The following MGMT variants were observed in gnomAD, a reference collection of about 807,000 sequenced individuals.
MGMT encodes O-6-methylguanine-DNA methyltransferase, also known as methylated-DNA--protein-cysteine methyltransferase.
In MGMT, 14 loss-of-function variants were observed where a neutral mutation model predicts 15.9. That is an observed-to-expected ratio of 0.88 (90% CI 0.58 to 1.37). MGMT has a LOEUF of 1.37. Ranked by LOEUF, MGMT falls within the 40% of genes most tolerant of loss-of-function variation. MGMT has a pLI of 0.00. For synonymous variants in MGMT, 130 were observed against 118.2 expected, an observed-to-expected ratio of 1.10 and a Z score of -0.65; for missense variants, 282 against 268.1, an observed-to-expected ratio of 1.05 and a Z score of -0.36.
intron 2 of MGMT, among the ~76,000 whole-genome samples, chr10:129,688,528 T>G (rs183176099): frequency 1.5e-4 from 23 of 152,328 alleles, no homozygotes; most frequent in African/African-American, 5.5e-4. Flanking sequence ...ACCCACTTTT[T>G]GATGGTGTTG....
intron 1 of MGMT, among the ~76,000 whole-genome samples, chr10:129,496,994 G>GT (rs550502517): frequency 6.6e-6 from 1 of 151,810 alleles, no homozygotes; most frequent in African/African-American, 2.4e-5. Flanking sequence ...TGCCTGGCCA[G>GT]TTTTTTTTCC....
At chr10:129,669,429 T>G (rs1847696897) in intron 2 of MGMT, among the ~76,000 whole-genome samples, 1 of 152,332 alleles carries the variant, frequency 6.6e-6, no homozygotes, top group South Asian at 2.1e-4. Flanking sequence ...TTTTCTTATT[T>G]TTTTGTTTGT....
chr10:129,573,551 T>C (rs1846444171), intron 2 of MGMT, among the ~76,000 whole-genome samples: 2 of 152,230 alleles, frequency 1.3e-5, no homozygotes, highest in South Asian at 4.1e-4. Context: ...TATGTTTATT[T>C]CCTTCTACTT....
At chr10:129,733,904 G>C (rs1848530940) in intron 3 of MGMT, among the ~76,000 whole-genome samples, 1 of 152,118 alleles carries the variant, frequency 6.6e-6, no homozygotes, top group Non-Finnish European at 1.5e-5. Context: ...ACTCTGTTCT[G>C]TTCCATTGGT....
At chr10:129,581,461 T>C (rs368148906) in intron 2 of MGMT, among the ~76,000 whole-genome samples, 1 of 152,310 alleles carries the variant, frequency 6.6e-6, no homozygotes, top group Non-Finnish European at 1.5e-5. Flanking sequence ...GGTTATGTTT[T>C]CTGAGGAAAT....
At chr10:129,632,040 T>C (rs1304140702) in intron 2 of MGMT, among the ~76,000 whole-genome samples, 1 of 152,210 alleles carries the variant, frequency 6.6e-6, no homozygotes, top group Admixed American at 6.5e-5. Flanking sequence ...CCCAGCTTTC[T>C]AGTTTGTTTT....
chr10:129,624,145 T>A (rs1264121465), intron 2 of MGMT, among the ~76,000 whole-genome samples: 2 of 152,238 alleles, frequency 1.3e-5, no homozygotes, highest in African/African-American at 4.8e-5. Context: ...ATCCAGGATT[T>A]CACACACTGG....
At chr10:129,650,516 T>C (rs1020315525) in intron 2 of MGMT, among the ~76,000 whole-genome samples, 7 of 152,154 alleles carry the variant, frequency 4.6e-5, no homozygotes, top group African/African-American at 1.4e-4. Context: ...GGAATAGGAA[T>C]GCGCATGAAC....
At chr10:129,753,648 T>C (rs562368933) in intron 3 of MGMT, among the ~76,000 whole-genome samples, 1 of 152,346 alleles carries the variant, frequency 6.6e-6, no homozygotes, top group African/African-American at 2.4e-5. Context: ...AACACTAAAT[T>C]TTCTACTTTA....
chr10:129,488,556 T>C (rs1247670905), intron 1 of MGMT, among the ~76,000 whole-genome samples: 1 of 152,258 alleles, frequency 6.6e-6, no homozygotes, highest in East Asian at 1.9e-4. Context: ...CAGGAGTTTC[T>C]AATTTTAATA....
chr10:129,485,615 AG>A (rs1845400496), intron 1 of MGMT, among the ~76,000 whole-genome samples: 1 of 152,272 alleles, frequency 6.6e-6, no homozygotes, highest in African/African-American at 2.4e-5. Context: ...TTTTTGGATT[AG>A]GGATGCTCCA....
chr10:129,650,961 G>A (rs776280943), intron 2 of MGMT, among the ~76,000 whole-genome samples: 13 of 152,310 alleles, frequency 8.5e-5, no homozygotes, highest in South Asian at 2.1e-4. Flanking sequence ...CCCGAGGGCC[G>A]CAGTCCTGGT....
At chr10:129,764,553 C>G (rs1158955185) in intron 4 of MGMT, among the ~76,000 whole-genome samples, 2 of 152,274 alleles carry the variant, frequency 1.3e-5, no homozygotes, top group Non-Finnish European at 2.9e-5. Flanking sequence ...CCAGCTGCTT[C>G]CTCTAAAAGC....
chr10:129,761,730 AG>A (rs1334810679), intron 4 of MGMT, among the ~76,000 whole-genome samples: 2 of 152,166 alleles, frequency 1.3e-5, no homozygotes, highest in African/African-American at 2.4e-5. Flanking sequence ...ATCAGGCAGG[AG>A]GGTTCTACAG....
chr10:129,591,585 A>G (rs747813054), intron 2 of MGMT, among the ~76,000 whole-genome samples: 14 of 152,170 alleles, frequency 9.2e-5, no homozygotes, highest in Non-Finnish European at 2.1e-4. Context: ...GCAGCTGTCC[A>G]CCTACTCCTC....
chr10:129,706,346 G>A (rs1848161988), intron 2 of MGMT, among the ~76,000 whole-genome samples: 1 of 152,216 alleles, frequency 6.6e-6, no homozygotes, highest in South Asian at 2.1e-4. Flanking sequence ...ACATGTCCAG[G>A]CAAGTGAAGC....
intron 2 of MGMT, among the ~76,000 whole-genome samples, chr10:129,542,968 A>G (rs1030021370): frequency 2.6e-5 from 4 of 152,182 alleles, no homozygotes; most frequent in African/African-American, 9.7e-5. Flanking sequence ...ACCCCATGCT[A>G]AACATTTATA....
chr10:129,570,737 A>G (rs1394878098), intron 2 of MGMT, among the ~76,000 whole-genome samples: 2 of 152,354 alleles, frequency 1.3e-5, no homozygotes, highest in South Asian at 4.1e-4. Flanking sequence ...ACCTGCGAGT[A>G]TTGAGGGAAA....
At position 129,477,906 on chromosome 10, in the gene MGMT, G is replaced by C. The variant is rs74162162; in HGVS notation, c.-13+10610G>C. 7.9e-3 allele frequency among the ~76,000 whole-genome samples: 1,205 copies of C among 152,324 alleles called. 25 individuals are homozygous for C. Among genetic ancestry groups the C allele is most frequent in the African/African-American group, 0.028 (1,162 of 41,566 alleles). ...TTGTCATCAGACAGTGCTCCAAAAAGGCACTGTTCTCAGGTTTAGCTCTTG... is the reference window on the plus strand; with the variant it reads ...TTGTCATCAGACAGTGCTCCAAAAACGCACTGTTCTCAGGTTTAGCTCTTG... On this transcript the variant is annotated intron_variant, in intron 1 of 4. Coordinates refer to ENST00000651593, the MANE Select transcript of MGMT (RefSeq NM_002412.5).
Sources: gnomAD v4.1 joint callset for allele counts (sites outside exome capture counted in the v4.1 genomes callset) on GRCh38, gnomAD v4.1.1 for gene constraint, MANE v1.5 for transcripts, NCBI Gene and HGNC (gene_info 2026-07-23, HGNC 2026-07-21) for gene names.